The following AP3D1 variants were observed in gnomAD, a reference collection of about 807,000 sequenced individuals.
AP3D1 encodes the protein adaptor related protein complex 3 subunit delta 1.
A neutral mutation model predicts 147.6 loss-of-function variants in AP3D1; 51 were observed. That is an observed-to-expected ratio of 0.35 (90% CI 0.28 to 0.44). AP3D1 has a LOEUF of 0.44. Among genes scored for constraint, AP3D1 ranks in the 20% least tolerant of loss-of-function variants. The pLI, the probability that AP3D1 is intolerant of heterozygous loss-of-function variation, is 1.00. For missense variants in AP3D1, 1,421 were observed against 1,624.2 expected (o/e 0.87, Z 2.15); for synonymous variants, 760 against 663.0 (o/e 1.15, Z -2.25).
Position 2,109,932 on chromosome 19 carries a change from C to A in AP3D1, c.3291G>T (p.Lys1097Asn). ...AKNDEGATHEKLDFRLHFSCS... is the reference protein window; with the variant it reads ...AKNDEGATHENLDFRLHFSCS... ...AGCTGAAGTGCAGCCTGAAGTCCAG[C>A]TTCTCGTGGGTCGCACCCTCGTCAT... Residue 1097 changes from lysine to asparagine, a missense_variant, in exon 29 of 32, where the codon AAG becomes AAT. Transcript: ENST00000643116. 1.2e-6 allele frequency: 2 copies of A among 1,613,744 alleles called. No individual in the cohort carries two copies. The highest frequency in any genetic ancestry group is 3.3e-4 in the Middle Eastern group (2 of 6,050).
chr19:2,114,873 G>A (rs774505869), intron 20 of AP3D1, 52 bp from the exon 21 acceptor site: 4 of 1,590,696 alleles, frequency 2.5e-6, no homozygotes, highest in Non-Finnish European at 3.5e-6. Flanking sequence ...GTGGCCTGGT[G>A]GAACGCCATC....
At chr19:2,127,328 A>G (rs1030143484) in intron 8 of AP3D1, 127 bp from the exon 9 acceptor site, 3 of 989,974 alleles carry the variant, frequency 3.0e-6, no homozygotes, top group Admixed American at 4.2e-5. Flanking sequence ...CCCAGGAGGG[A>G]GCCCGTGCCT....
At chr19:2,140,902 G>T (rs898512139) in intron 1 of AP3D1, among the ~76,000 whole-genome samples, 1 of 151,832 alleles carries the variant, frequency 6.6e-6, no homozygotes, top group African/African-American at 2.4e-5. Flanking sequence ...AGGATTACAG[G>T]GGCACACCAC....
chr19:2,121,579 G>A (rs2145070329), intron 12 of AP3D1, among the ~76,000 whole-genome samples, 155 bp downstream of exon 12: 1 of 152,344 alleles, frequency 6.6e-6, no homozygotes. Flanking sequence ...GACAGGCATG[G>A]ACCAGGACTG....
intron 1 of AP3D1, among the ~76,000 whole-genome samples, chr19:2,157,214 G>A (rs1208225304): frequency 3.3e-5 from 5 of 151,084 alleles, no homozygotes; most frequent in Admixed American, 2.0e-4. Flanking sequence ...AGGCCGAGGC[G>A]GGCGGATCAC....
intron 31 of AP3D1, among the ~76,000 whole-genome samples, chr19:2,106,133 T>G (rs1034810065): frequency 1.3e-5 from 2 of 150,466 alleles, no homozygotes; most frequent in East Asian, 3.9e-4. Flanking sequence ...TGACGACAGG[T>G]GAAGAAACAG....
chr19:2,111,584 C>T, intron 25 of AP3D1, 95 bp downstream of exon 25: 1 of 1,443,554 alleles, frequency 6.9e-7, no homozygotes, highest in Non-Finnish European at 9.3e-7. Context: ...CGAATCTGCT[C>T]AGTTCTCTCC....
intron 1 of AP3D1, among the ~76,000 whole-genome samples, chr19:2,148,414 T>C (rs2019418993): frequency 6.6e-6 from 1 of 152,194 alleles, no homozygotes; most frequent in Admixed American, 6.5e-5. Context: ...AAATCAAAGT[T>C]TCAGGACAGG....
Position 2,164,363 on chromosome 19 carries a change from C to A in AP3D1, c.-110G>T, listed in dbSNP as rs571521780. ...CCCCCAAGCCGCGCTCACCGGTCCC[C>A]CCTGCGGAACGGAGACCCTGGACTC... is the stretch of plus-strand genomic sequence containing the variant. On this transcript the variant is annotated 5_prime_UTR_variant, in exon 1 of 15. Coordinates refer to the AP3D1 transcript ENST00000643010. 4.1e-3 allele frequency: 3,292 copies of A among 802,698 alleles called. 18 individuals carry two copies. The highest frequency in any genetic ancestry group is 0.011 in the Middle Eastern group (28 of 2,478). The allele number at this position is 802,698 out of a possible 1,614,324, so 49.7% of individuals were successfully genotyped here.
chr19:2,160,173 C>T lies in AP3D1; in HGVS notation c.-103+4183G>A, dbSNP rs374445635. 3.3e-5 allele frequency among the ~76,000 whole-genome samples: 5 copies of T among 152,164 alleles called. No individual in the cohort carries two copies. The South Asian group carries it at 1.0e-3, about 31-fold the overall frequency. ...CTTCTAATTTTTGCAAAGGCAGTTTCAAACCTGTAACAGGAACTATGGGAA... is the reference window on the plus strand; with the variant it reads ...CTTCTAATTTTTGCAAAGGCAGTTTTAAACCTGTAACAGGAACTATGGGAA... On this transcript the variant is annotated intron_variant, in intron 1 of 14. Coordinates refer to the AP3D1 transcript ENST00000643010.
intron 5 of AP3D1, among the ~76,000 whole-genome samples, chr19:2,131,998 GAGGTT>G (rs2018963609): frequency 6.6e-6 from 1 of 152,228 alleles, no homozygotes; most frequent in African/African-American, 2.4e-5. Context: ...TCATGAGCTG[GAGGTT>G]AAGTCAGGCA....
At chr19:2,144,759 T>C (rs2238604) in intron 1 of AP3D1, among the ~76,000 whole-genome samples, 69,585 of 151,866 alleles carry the variant, frequency 0.46, 16,179 homozygotes, top group East Asian at 0.51. Context: ...AAAAATTAGC[T>C]TGGTATGGTG....
At chr19:2,130,576 C>A (rs377178521) in intron 5 of AP3D1, 39 bp from the exon 6 acceptor site, 107 of 1,609,348 alleles carry the variant, frequency 6.6e-5, no homozygotes, top group Non-Finnish European at 8.3e-5. Context: ...GGGCTTTCTG[C>A]GCCTCATCCC....
intron 5 of AP3D1, among the ~76,000 whole-genome samples, chr19:2,131,540 G>A (rs1047019321): frequency 3.3e-5 from 4 of 119,908 alleles, no homozygotes; most frequent in Admixed American, 8.4e-5. Flanking sequence ...CTAGGCACCC[G>A]GTGGACAGGC....
At chr19:2,150,426 G>C (rs1021918938) in intron 1 of AP3D1, among the ~76,000 whole-genome samples, 2 of 152,228 alleles carry the variant, frequency 1.3e-5, no homozygotes, top group African/African-American at 4.8e-5. Context: ...GAAGGGAGGA[G>C]CGGGAAGGAA....
intron 9 of AP3D1, among the ~76,000 whole-genome samples, chr19:2,126,669 AAAG>A (rs1246063463): frequency 3.3e-5 from 5 of 151,556 alleles, no homozygotes; most frequent in Admixed American, 6.6e-5. Context: ...AAAAAAAAAA[AAAG>A]AAAGAAAAAG....
intron 1 of AP3D1, among the ~76,000 whole-genome samples, chr19:2,142,099 C>T (rs1430063003): frequency 3.3e-5 from 5 of 150,784 alleles, no homozygotes; most frequent in Admixed American, 6.6e-5. Flanking sequence ...CTCACTGTAA[C>T]CTCCGCCTCC....
At chr19:2,156,790 A>C (rs1046258710) in intron 1 of AP3D1, among the ~76,000 whole-genome samples, 1 of 152,138 alleles carries the variant, frequency 6.6e-6, no homozygotes, top group Non-Finnish European at 1.5e-5. Context: ...TGGAGGTTGC[A>C]GTGAGCCAAG....
At chr19:2,116,829 G>A (rs568823357) in intron 16 of AP3D1, 83 bp from the exon 17 acceptor site, 112 of 1,463,190 alleles carry the variant, frequency 7.7e-5, no homozygotes, top group Non-Finnish European at 9.4e-5. Context: ...GGCTCACCAC[G>A]TGCCTGGCCA....
Sources: gnomAD v4.1 joint callset for allele counts (sites outside exome capture counted in the v4.1 genomes callset) on GRCh38, gnomAD v4.1.1 for gene constraint, MANE v1.5 for transcripts, NCBI Gene and HGNC (gene_info 2026-07-23, HGNC 2026-07-21) for gene names.